Variants in TYW1 observed in about 807,000 individuals in gnomAD.
TYW1 encodes tRNA-yW synthesizing protein 1 homolog.
A neutral mutation model predicts 96.2 loss-of-function variants in TYW1; 46 were observed. That is an observed-to-expected ratio of 0.48 (90% CI 0.38 to 0.61). TYW1 has a LOEUF of 0.61. Ranked by LOEUF, TYW1 falls within the 20% of genes least tolerant of loss-of-function variation. The pLI is 0.00. For synonymous variants in TYW1, 274 were observed against 323.0 expected (o/e 0.85, Z 1.63); for missense variants, 684 against 909.6 (o/e 0.75, Z 3.19).
intron 10 of TYW1, among the ~76,000 whole-genome samples, chr7:67,073,996 G>A (rs1796126341): frequency 6.7e-6 from 1 of 148,996 alleles, no homozygotes; most frequent in Non-Finnish European, 1.5e-5. Context: ...GCAGGAGAAT[G>A]GTGTGAACCC....
Position 67,026,970 on chromosome 7 carries a change from G to A in TYW1, c.984+1948G>A, listed in dbSNP as rs146515929. The stretch of plus-strand genomic sequence containing the variant: ...CAGCACTTTGGGAGGCTGACGTGAT[G>A]GGAGGATTTCTTGAGGCCAGAAGTT... On this transcript the variant is annotated intron_variant, in intron 7 of 15. Transcript: ENST00000359626. Among the ~76,000 whole-genome samples the A allele has an allele frequency of 7.2e-3, 1,102 of 152,142 alleles. 17 individuals carry two copies. Among genetic ancestry groups the A allele is most frequent in the African/African-American group, 0.025 (1,037 of 41,526 alleles).
At chr7:67,058,650 A>G (rs1374279396) in intron 9 of TYW1, among the ~76,000 whole-genome samples, 1 of 150,358 alleles carries the variant, frequency 6.7e-6, no homozygotes, top group African/African-American at 2.4e-5. Context: ...TTTTTTTTGT[A>G]TTTTTTGTAG....
At chr7:67,095,003 A>ATT (rs71049498) in intron 11 of TYW1, among the ~76,000 whole-genome samples, 25,814 of 145,672 alleles carry the variant, frequency 0.18, 2,597 homozygotes, top group African/African-American at 0.28. Context: ...AAACTGCATG[A>ATT]TTTTTTTTTT....
chr7:67,067,099 T>C (rs1263316091), intron 9 of TYW1, 186 bp from the exon 10 acceptor site: 4 of 627,494 alleles, frequency 6.4e-6, no homozygotes, highest in Non-Finnish European at 1.1e-5. Flanking sequence ...CACTGGGCTT[T>C]AGTAAAAACC....
intron 15 of TYW1, among the ~76,000 whole-genome samples, chr7:67,237,499 CAAAAAAA>C (rs386410332): frequency 1.0e-5 from 1 of 98,786 alleles, no homozygotes; most frequent in Non-Finnish European, 2.3e-5. Context: ...GACTCTGTCT[CAAAAAAA>C]AAAAAAAAAA....
chr7:67,204,013 C>T (rs1218739101), intron 15 of TYW1, among the ~76,000 whole-genome samples: 2 of 152,166 alleles, frequency 1.3e-5, no homozygotes, highest in Non-Finnish European at 2.9e-5. Context: ...GTTTCTCTCC[C>T]TGCTTTCAAG....
At chr7:67,160,146 A>G (rs1007638121) in intron 13 of TYW1, among the ~76,000 whole-genome samples, 20 of 152,180 alleles carry the variant, frequency 1.3e-4, no homozygotes, top group Admixed American at 1.1e-3. Context: ...TAGTGCCTGT[A>G]GTCTTACCGG....
intron 10 of TYW1, among the ~76,000 whole-genome samples, chr7:67,073,616 T>TA (rs1407369625): frequency 1.4e-5 from 2 of 146,406 alleles, no homozygotes; most frequent in African/African-American, 2.5e-5. Context: ...CTTAAAAAAA[T>TA]ACAAAAAATT....
rs569824302 is a variant in TYW1, at chr7:67,109,243, C to T, written c.1563-8240C>T. ...GAGCCGAGATAGTGCCACTGTACTC[C>T]GGCCTCAGCAAAAGAGCGAGACTCC... On this transcript the variant is annotated intron_variant, in intron 12 of 15. Coordinates refer to ENST00000359626, the MANE Select transcript of TYW1 (RefSeq NM_018264.4). Among the ~76,000 whole-genome samples, 101 of 135,886 alleles carry T rather than the reference C, an allele frequency of 7.4e-4. 2 individuals carry two copies. In the South Asian group the frequency reaches 0.022, roughly 29 times the overall value. 89.1% of individuals were successfully genotyped at this position (135,886 alleles called of 152,430 possible).
At chr7:67,076,013 A>T (rs1415978014) in intron 10 of TYW1, among the ~76,000 whole-genome samples, 1 of 152,242 alleles carries the variant, frequency 6.6e-6, no homozygotes, top group Non-Finnish European at 1.5e-5. Context: ...TTTCCCTGGC[A>T]TACTTATACT....
chr7:67,196,704 A>G (rs1168937179), intron 15 of TYW1, among the ~76,000 whole-genome samples: 1 of 151,760 alleles, frequency 6.6e-6, no homozygotes, highest in Non-Finnish European at 1.5e-5. Flanking sequence ...TTTCAAAACC[A>G]TTGGCAGTAT....
intron 13 of TYW1, among the ~76,000 whole-genome samples, chr7:67,179,865 A>ATATAT: frequency 2.3e-5 from 2 of 87,186 alleles, no homozygotes; most frequent in East Asian, 5.0e-4. Flanking sequence ...ATATATATAT[A>ATATAT]TTTTTTTTTT....
chr7:67,007,722 C>T (rs1464958736), intron 3 of TYW1, among the ~76,000 whole-genome samples: 1 of 152,058 alleles, frequency 6.6e-6, no homozygotes, highest in African/African-American at 2.4e-5. Context: ...GCAACCTCTG[C>T]CTCCTGGATT....
chr7:67,108,883 A>G (rs904445919), intron 12 of TYW1, among the ~76,000 whole-genome samples: 4 of 152,234 alleles, frequency 2.6e-5, no homozygotes, highest in Admixed American at 6.5e-5. Flanking sequence ...ATTAAACTAG[A>G]AACCAATACC....
At chr7:67,048,890 T>A (rs1248814508) in intron 7 of TYW1, among the ~76,000 whole-genome samples, 1 of 152,250 alleles carries the variant, frequency 6.6e-6, no homozygotes, top group East Asian at 1.9e-4. Flanking sequence ...TTAGCATGCC[T>A]GTAGTCCCAG....
At chr7:67,149,193 G>T (rs566998579) in intron 13 of TYW1, among the ~76,000 whole-genome samples, 2 of 152,158 alleles carry the variant, frequency 1.3e-5, no homozygotes, top group African/African-American at 4.8e-5. Context: ...GAATCATCAT[G>T]TTTGATTTAT....
chr7:67,149,813 AT>A (rs1345611706), intron 13 of TYW1, among the ~76,000 whole-genome samples: 1 of 151,032 alleles, frequency 6.6e-6, no homozygotes, highest in Non-Finnish European at 1.5e-5. Context: ...ATCATCATTC[AT>A]TTCTCCTCCT....
intron 13 of TYW1, among the ~76,000 whole-genome samples, chr7:67,181,358 A>G (rs890512544): frequency 6.8e-6 from 1 of 147,170 alleles, no homozygotes; most frequent in Admixed American, 6.8e-5. Flanking sequence ...ATTATATGTA[A>G]AGGGAATCTG....
At chr7:67,169,813 T>G (rs10262150) in intron 13 of TYW1, among the ~76,000 whole-genome samples, 42,757 of 152,128 alleles carry the variant, frequency 0.28, 6,524 homozygotes, top group African/African-American at 0.4. Context: ...TTGGCTGTTA[T>G]GAGTAATACT....
Sources: allele counts gnomAD v4.1 joint callset (sites outside exome capture counted in the v4.1 genomes callset), GRCh38; gene constraint gnomAD v4.1.1; transcripts MANE v1.5; gene names NCBI Gene and HGNC (gene_info 2026-07-23, HGNC 2026-07-21).